Variants in EML1 observed in about 807,000 individuals in gnomAD.
EML1 encodes the protein EMAP like 1.
Under a neutral mutation model 110.4 loss-of-function variants are expected in EML1, and 27 were observed. That is an observed-to-expected ratio of 0.24 (90% confidence interval 0.18 to 0.34). EML1 has a LOEUF of 0.34. EML1 is among the 10% of genes least tolerant of loss of function. The pLI, the probability that EML1 is intolerant of heterozygous loss-of-function variation, is 1.00. For missense variants in EML1, 741 were observed against 1,030.9 expected (o/e 0.72, Z 3.85); for synonymous variants, 344 against 385.8 (o/e 0.89, Z 1.27).
At chr14:99,744,550 G>A (rs900236538) in intron 1 of EML1, among the ~76,000 whole-genome samples, 5 of 152,168 alleles carry the variant, frequency 3.3e-5, no homozygotes, top group African/African-American at 1.2e-4. Context: ...TTGACCGTCT[G>A]TTTCTTTGTT....
upstream of EML1, among the ~76,000 whole-genome samples, chr14:99,771,832 A>AAAC (rs2057431402): frequency 6.6e-6 from 1 of 152,242 alleles, no homozygotes; most frequent in Admixed American, 6.5e-5. Context: ...AATAAAAACC[A>AAAC]AAACAAACAA....
intron 19 of EML1, among the ~76,000 whole-genome samples, chr14:99,937,236 C>T (rs1192590946): frequency 1.3e-5 from 2 of 152,188 alleles, no homozygotes; most frequent in Admixed American, 6.5e-5. Context: ...GCGGCCGCAC[C>T]GTCTCACCTC....
chr14:99,749,386 A>T (rs1193178446), intron 1 of EML1, among the ~76,000 whole-genome samples: 1 of 151,882 alleles, frequency 6.6e-6, no homozygotes, highest in Non-Finnish European at 1.5e-5. Flanking sequence ...TGAGGTTTTC[A>T]TTTGCATTTC....
chr14:99,923,646 C>CAAAA (rs2060176262), intron 17 of EML1, among the ~76,000 whole-genome samples: 2 of 51,836 alleles, frequency 3.9e-5, no homozygotes, highest in African/African-American at 1.0e-3. Flanking sequence ...CTGCCCCCTT[C>CAAAA]ACCTGTGTTT....
At chr14:99,793,246 C>G (rs1405605268), upstream of EML1, 16 of 785,546 alleles carry the variant, frequency 2.0e-5, no homozygotes, top group South Asian at 5.7e-5. Flanking sequence ...CCTCCCGGCC[C>G]GGGCCCCGCG....
chr14:99,738,901 A>G (rs2057002231), intron 1 of EML1, among the ~76,000 whole-genome samples: 2 of 152,088 alleles, frequency 1.3e-5, no homozygotes, highest in South Asian at 4.1e-4. Context: ...TTCCTTCTCC[A>G]TAAAACCCCA....
At position 99,914,559 on chromosome 14, in the gene EML1, T is replaced by C. The variant is rs140390944; in HGVS notation, c.1621-7T>C. 2.3e-4 allele frequency: 366 copies of C among 1,584,738 alleles called. No individual in the cohort carries two copies. Among genetic ancestry groups the C allele is most frequent in the Non-Finnish European group, 2.5e-5 (29 of 1,171,828 alleles). On this transcript the variant is annotated splice_region_variant and splice_polypyrimidine_tract_variant and intron_variant, in intron 14 of 21. Transcript: ENST00000262233. ...AGAGCGCTTCTGTTTGTCTTGGTTA[T>C]TTGTAGGGTCACACTGATGAGCTCT...
intron 17 of EML1, among the ~76,000 whole-genome samples, chr14:99,923,260 GT>G (rs1417576174): frequency 6.6e-6 from 1 of 152,114 alleles, no homozygotes; most frequent in African/African-American, 2.4e-5. Flanking sequence ...TCTTAATGGG[GT>G]TTTTTAAAGC....
chr14:99,869,078 GTTTAA>G (rs1361040552), intron 3 of EML1, among the ~76,000 whole-genome samples: 1 of 152,122 alleles, frequency 6.6e-6, no homozygotes, highest in Non-Finnish European at 1.5e-5. Context: ...AGAGTGAGTT[GTTTAA>G]TTTAAAGATT....
At chr14:99,753,212 C>T (rs1407776776) in intron 1 of EML1, among the ~76,000 whole-genome samples, 4 of 137,420 alleles carry the variant, frequency 2.9e-5, no homozygotes, top group African/African-American at 7.9e-5. Flanking sequence ...CCGCCGCCCC[C>T]CCACCCCCCA....
At chr14:99,927,816 G>A (rs1379378187) in intron 17 of EML1, among the ~76,000 whole-genome samples, 2 of 59,284 alleles carry the variant, frequency 3.4e-5, no homozygotes, top group African/African-American at 1.7e-4. Context: ...GGGTGGGGGG[G>A]TGGTGGTGGT....
intron 1 of EML1, among the ~76,000 whole-genome samples, chr14:99,741,111 T>A (rs2057036522): frequency 6.6e-6 from 1 of 152,200 alleles, no homozygotes; most frequent in South Asian, 2.1e-4. Flanking sequence ...TACCACTCCC[T>A]AGCTCTGTGG....
At chr14:99,826,439 G>A (rs1332486146) in intron 1 of EML1, among the ~76,000 whole-genome samples, 1 of 152,060 alleles carries the variant, frequency 6.6e-6, no homozygotes, top group African/African-American at 2.4e-5. Flanking sequence ...AGCAAGAAAG[G>A]GATAGGACTA....
intron 1 of EML1, among the ~76,000 whole-genome samples, chr14:99,846,882 T>C (rs1262684137): frequency 6.6e-6 from 1 of 152,164 alleles, no homozygotes; most frequent in Non-Finnish European, 1.5e-5. Context: ...GTATGTTAGG[T>C]TGAGGGGCAG....
At chr14:99,774,201 G>T (rs957530999) in intron 1 of EML1, among the ~76,000 whole-genome samples, 1 of 152,150 alleles carries the variant, frequency 6.6e-6, no homozygotes, top group Non-Finnish European at 1.5e-5. Context: ...TCCAAGCAAA[G>T]AGCAGAGGGG....
chr14:99,763,831 G>T (rs772153743), intron 1 of EML1, among the ~76,000 whole-genome samples: 1 of 152,142 alleles, frequency 6.6e-6, no homozygotes, highest in Non-Finnish European at 1.5e-5. Flanking sequence ...GCACCGGGAG[G>T]ACCCTAATCC....
intron 1 of EML1, among the ~76,000 whole-genome samples, chr14:99,805,790 T>A (rs949799684): frequency 1.3e-5 from 2 of 151,876 alleles, no homozygotes; most frequent in African/African-American, 4.8e-5. Context: ...AACCCTTTTT[T>A]TTTCAAAAAA....
At chr14:99,824,814 C>T (rs1056854311) in intron 1 of EML1, among the ~76,000 whole-genome samples, 1 of 152,092 alleles carries the variant, frequency 6.6e-6, no homozygotes, top group Non-Finnish European at 1.5e-5. Flanking sequence ...TCTATTATTC[C>T]ACTGTGTGTC....
In EML1 at chr14:99,940,443, T is replaced by TA. The variant is rs962575896; in HGVS notation, c.*335dup. Reference sequence around the variant, plus strand: ...TCAAAAATGGTCACAGAATGCCTTTTAAAACATTGTATATAATCTTCACTG... The same window carrying TA: ...TCAAAAATGGTCACAGAATGCCTTTTAAAAACATTGTATATAATCTTCACTG... On this transcript the variant is annotated 3_prime_UTR_variant, in exon 22 of 22. Coordinates refer to ENST00000262233, the MANE Select transcript of EML1 (RefSeq NM_004434.3). The TA allele has an allele frequency of 5.5e-6, 1 of 180,424 alleles. No homozygotes were observed. Among genetic ancestry groups the TA allele is most frequent in the Non-Finnish European group, 1.2e-5 (1 of 86,840 alleles). The allele number at this position is 180,424 out of a possible 1,614,324, so 11.2% of individuals were successfully genotyped here.
Sources: gnomAD v4.1 joint callset for allele counts (sites outside exome capture counted in the v4.1 genomes callset) on GRCh38, gnomAD v4.1.1 for gene constraint, MANE v1.5 for transcripts, NCBI Gene and HGNC (gene_info 2026-07-23, HGNC 2026-07-21) for gene names.